ESRRG: variants seen among roughly 807,000 people sequenced by gnomAD.
ESRRG encodes the protein estrogen-related receptor gamma.
ESRRG carries 13 observed loss-of-function variants against 44.0 expected under a neutral mutation model. That is an observed-to-expected ratio of 0.30 (90% CI 0.19 to 0.47). The LOEUF (loss-of-function observed/expected upper bound fraction) is 0.47. ESRRG is among the 20% of genes least tolerant of loss of function. The pLI is 1.00. For missense variants in ESRRG, 395 were observed against 580.6 expected, an observed-to-expected ratio of 0.68 and a Z score of 3.29; for synonymous variants, 215 against 214.6, an observed-to-expected ratio of 1.00 and a Z score of -0.02.
intron 2 of ESRRG, among the ~76,000 whole-genome samples, chr1:216,865,659 T>C (rs2096142943): frequency 6.6e-6 from 1 of 152,158 alleles, no homozygotes; most frequent in African/African-American, 2.4e-5. Context: ...CAATGCACAT[T>C]AAAAATATAA....
chr1:216,990,426 AG>A (rs1231711524), intron 1 of ESRRG, among the ~76,000 whole-genome samples: 1 of 152,208 alleles, frequency 6.6e-6, no homozygotes, highest in Non-Finnish European at 1.5e-5. Context: ...TTTGGTGCAT[AG>A]TACCTTTTTG....
At position 216,670,933 on chromosome 1, in the gene ESRRG, A is replaced by G. The variant is rs147991857; in HGVS notation, c.472+6143T>C. Among the ~76,000 whole-genome samples, 274 of 152,338 alleles carry G rather than the reference A, an allele frequency of 1.8e-3. 2 individuals carry two copies. Among genetic ancestry groups the G allele is most frequent in the African/African-American group, 6.4e-3 (267 of 41,586 alleles). ...TAAAAAGTCAGTCTCCCAGGCTATT[A>G]TGAAGGTATAGTTGGTCAAATAAGA... On this transcript the variant is annotated intron_variant, in intron 2 of 6. Transcript: ENST00000408911.
chr1:216,747,531 T>C (rs549075575), intron 2 of ESRRG, among the ~76,000 whole-genome samples: 1 of 152,302 alleles, frequency 6.6e-6, no homozygotes, highest in Admixed American at 6.5e-5. Flanking sequence ...TTTCTCTGGA[T>C]ATCCCAGACA....
upstream of ESRRG, among the ~76,000 whole-genome samples, chr1:217,093,508 T>G (rs1403038138): frequency 1.3e-5 from 2 of 152,058 alleles, no homozygotes; most frequent in Admixed American, 1.3e-4. Context: ...ACCTACGGTT[T>G]CCGGTGGCTC....
chr1:216,911,229 C>T (rs2060261005), intron 2 of ESRRG, among the ~76,000 whole-genome samples: 1 of 152,068 alleles, frequency 6.6e-6, no homozygotes, highest in South Asian at 2.1e-4. Context: ...ACCAAGATGT[C>T]CTTCAGTAAG....
chr1:216,787,357 C>A (rs966764275), intron 2 of ESRRG, among the ~76,000 whole-genome samples: 2 of 152,126 alleles, frequency 1.3e-5, no homozygotes, highest in African/African-American at 2.4e-5. Flanking sequence ...GTAATCCCAG[C>A]ACTTTGGGAG....
intron 2 of ESRRG, among the ~76,000 whole-genome samples, chr1:216,927,373 G>A (rs1432405809): frequency 6.6e-6 from 1 of 152,128 alleles, no homozygotes; most frequent in South Asian, 2.1e-4. Flanking sequence ...TCACCACCCT[G>A]AAGGGCAAGG....
At chr1:216,932,539 G>T (rs1373342904) in intron 2 of ESRRG, among the ~76,000 whole-genome samples, 1 of 151,960 alleles carries the variant, frequency 6.6e-6, no homozygotes, top group African/African-American at 2.4e-5. Flanking sequence ...AGGGGTGTGT[G>T]TGTGTGTTTG....
At chr1:217,095,210 A>C (rs935679543) in intron 1 of ESRRG, among the ~76,000 whole-genome samples, 1 of 152,250 alleles carries the variant, frequency 6.6e-6, no homozygotes, top group Non-Finnish European at 1.5e-5. Flanking sequence ...TGATGGCCAC[A>C]ACACAGATAG....
At chr1:216,532,100 G>T (rs1355549004) in intron 5 of ESRRG, among the ~76,000 whole-genome samples, 1 of 150,758 alleles carries the variant, frequency 6.6e-6, no homozygotes, top group East Asian at 2.0e-4. Context: ...GTCTACAACA[G>T]TCCAAAATGA....
intron 3 of ESRRG, among the ~76,000 whole-genome samples, chr1:216,599,495 A>C (rs187719047): frequency 1.3e-5 from 2 of 152,170 alleles, no homozygotes; most frequent in Non-Finnish European, 2.9e-5. Flanking sequence ...ATTTTTACCC[A>C]AGTGCTACAG....
chr1:217,091,440 G>A (rs188732322), upstream of ESRRG, among the ~76,000 whole-genome samples: 12 of 152,298 alleles, frequency 7.9e-5, no homozygotes, highest in African/African-American at 2.6e-4. Context: ...AATGAAAACA[G>A]CAAGTAACTT....
At chr1:217,063,729 T>G (rs1236512742) in intron 1 of ESRRG, among the ~76,000 whole-genome samples, 3 of 152,142 alleles carry the variant, frequency 2.0e-5, no homozygotes, top group Admixed American at 6.5e-5. Flanking sequence ...CTGGAATACA[T>G]CAGAATCATA....
intron 1 of ESRRG, among the ~76,000 whole-genome samples, chr1:216,709,893 C>T (rs2083260329): frequency 1.3e-5 from 2 of 152,098 alleles, no homozygotes; most frequent in Admixed American, 6.5e-5. Context: ...AGGACAGTGT[C>T]TTTGCAATAT....
At chr1:216,657,719 T>C (rs2070986485) in intron 2 of ESRRG, among the ~76,000 whole-genome samples, 1 of 152,036 alleles carries the variant, frequency 6.6e-6, no homozygotes, top group Admixed American at 6.5e-5. Context: ...GAGAGGAGCA[T>C]CACATCAGGA....
At chr1:216,551,417 T>G (rs567771285) in intron 5 of ESRRG, among the ~76,000 whole-genome samples, 1 of 152,148 alleles carries the variant, frequency 6.6e-6, no homozygotes, top group Admixed American at 6.5e-5. Context: ...AATATCCTAG[T>G]TGATGTTTTG....
intron 1 of ESRRG, among the ~76,000 whole-genome samples, chr1:216,966,414 C>T (rs2070391452): frequency 6.6e-6 from 1 of 152,164 alleles, no homozygotes; most frequent in Non-Finnish European, 1.5e-5. Context: ...AGTCCACTTA[C>T]TTATCTTCAC....
intron 2 of ESRRG, among the ~76,000 whole-genome samples, chr1:216,845,777 C>CT (rs1251897520): frequency 7.2e-5 from 11 of 152,168 alleles, no homozygotes; most frequent in African/African-American, 2.2e-4. Flanking sequence ...AGTCGCTACT[C>CT]TTAGGCTTAA....
chr1:216,701,081 C>G (rs12137685), intron 1 of ESRRG, among the ~76,000 whole-genome samples: 28,562 of 152,072 alleles, frequency 0.19, 3,490 homozygotes, highest in Non-Finnish European at 0.26. Context: ...CAGTTTTGTA[C>G]TTTCCTTCTA....
Sources: gnomAD v4.1 joint callset for allele counts (sites outside exome capture counted in the v4.1 genomes callset) on GRCh38, gnomAD v4.1.1 for gene constraint, MANE v1.5 for transcripts, NCBI Gene and HGNC (gene_info 2026-07-23, HGNC 2026-07-21) for gene names.